ELMO1: variants seen among roughly 807,000 people sequenced by gnomAD.
ELMO1 encodes engulfment and cell motility 1.
In ELMO1, 26 loss-of-function variants were observed where a neutral mutation model predicts 98.9. That is an observed-to-expected ratio of 0.26 (90% CI 0.19 to 0.36). The LOEUF is 0.36. Ranked by LOEUF, ELMO1 falls within the 10% of genes least tolerant of loss-of-function variation. ELMO1 has a pLI of 1.00. For synonymous variants in ELMO1, 346 were observed against 346.0 expected (o/e 1.00, Z 0.00); for missense variants, 627 against 935.2 (o/e 0.67, Z 4.30).
intron 15 of ELMO1, among the ~76,000 whole-genome samples, chr7:37,016,167 T>TA (rs1793917558): frequency 6.6e-6 from 1 of 152,160 alleles, no homozygotes; most frequent in African/African-American, 2.4e-5. Flanking sequence ...CTAAAGTTTT[T>TA]ATGTGATGAG....
chr7:37,270,306 A>C (rs1047694180), intron 5 of ELMO1: 1 of 152,206 alleles, frequency 6.6e-6, no homozygotes, highest in Non-Finnish European at 1.5e-5. Flanking sequence ...CAACTGTAGC[A>C]ACTCACTCCA....
intron 14 of ELMO1, among the ~76,000 whole-genome samples, chr7:37,110,695 A>C (rs1385513698): frequency 6.6e-6 from 1 of 152,208 alleles, no homozygotes; most frequent in African/African-American, 2.4e-5. Context: ...ACCTAGATTT[A>C]TCATGGGAAA....
rs375635910 is a variant in ELMO1, at chr7:37,114,834, G to T, written c.1192-18107C>A. On this transcript the variant is annotated intron_variant, in intron 14 of 21. Coordinates refer to ENST00000310758, the MANE Select transcript of ELMO1 (RefSeq NM_014800.11). ...CAGTAAAATCAAAAGCTAGTTTTTT[G>T]AAAAGATCAATAAAAACAACAAATC... Among the ~76,000 whole-genome samples, 19 of 152,012 alleles carry T rather than the reference G, an allele frequency of 1.2e-4. 1 individual carries two copies. Among genetic ancestry groups the T allele is most frequent in the African/African-American group, 4.3e-4 (18 of 41,512 alleles).
intron 15 of ELMO1, among the ~76,000 whole-genome samples, chr7:37,084,253 T>C (rs1783638709): frequency 6.6e-6 from 1 of 152,220 alleles, no homozygotes; most frequent in East Asian, 1.9e-4. Flanking sequence ...ACAAGAATGT[T>C]GTTTGAGAGG....
intron 16 of ELMO1, among the ~76,000 whole-genome samples, chr7:36,899,270 G>C (rs1806296838): frequency 6.6e-6 from 1 of 152,208 alleles, no homozygotes; most frequent in African/African-American, 2.4e-5. Flanking sequence ...GTCTGTGAAG[G>C]AATTTGATAA....
intron 2 of ELMO1, among the ~76,000 whole-genome samples, chr7:37,318,093 A>C (rs556628533): frequency 9.8e-4 from 149 of 152,334 alleles, no homozygotes; most frequent in Non-Finnish European, 1.9e-3. Context: ...GACAATGGCA[A>C]TTGGGTTCTA....
At chr7:37,096,332 A>T (rs117662621) in intron 15 of ELMO1, among the ~76,000 whole-genome samples, 6,910 of 152,254 alleles carry the variant, frequency 0.045, 228 homozygotes, top group Non-Finnish European at 0.067. Flanking sequence ...TTTCCTGAAC[A>T]GAAGCAAGCC....
In ELMO1 at chr7:37,389,713, A is replaced by G. The variant is rs112330477; in HGVS notation, c.-73-46950T>C. 3.0e-3 allele frequency among the ~76,000 whole-genome samples: 460 copies of G among 152,254 alleles called. 2 individuals carry two copies. Among genetic ancestry groups the G allele is most frequent in the African/African-American group, 0.01 (434 of 41,536 alleles). On this transcript the variant is annotated intron_variant, in intron 1 of 21. Transcript: ENST00000310758. ...CCTGATATTCAGCTTTTGCTGGGAA[A>G]TCCAGTTCTCCTTTAACCATAGGAA...
chr7:37,045,364 C>T (rs966843882), intron 15 of ELMO1, among the ~76,000 whole-genome samples: 3 of 152,152 alleles, frequency 2.0e-5, no homozygotes, highest in Non-Finnish European at 2.9e-5. Context: ...TTGAACTGGA[C>T]TGAAAAACAA....
intron 17 of ELMO1, among the ~76,000 whole-genome samples, chr7:36,889,296 C>A (rs1320020371): frequency 1.3e-5 from 2 of 152,168 alleles, no homozygotes; most frequent in African/African-American, 4.8e-5. Context: ...CTGTACAGGT[C>A]TCTTAGGGTC....
At chr7:37,429,554 A>C (rs967512070) in intron 1 of ELMO1, 9 of 152,260 alleles carry the variant, frequency 5.9e-5, no homozygotes. Flanking sequence ...CATATTCTAC[A>C]TGCCAGGCAG....
At chr7:37,382,498 T>C (rs1354915708) in intron 1 of ELMO1, among the ~76,000 whole-genome samples, 4 of 152,308 alleles carry the variant, frequency 2.6e-5, no homozygotes, top group Middle Eastern at 3.4e-3. Flanking sequence ...GACATGCTCT[T>C]GGCCCTCTCA....
intron 2 of ELMO1, among the ~76,000 whole-genome samples, chr7:37,335,855 C>A (rs1800374229): frequency 1.3e-5 from 2 of 152,178 alleles, no homozygotes; most frequent in African/African-American, 2.4e-5. Flanking sequence ...ATGGCCCGTG[C>A]TGGCTTTTCT....
At chr7:37,115,045 C>A (rs926340552) in intron 14 of ELMO1, among the ~76,000 whole-genome samples, 1 of 152,058 alleles carries the variant, frequency 6.6e-6, no homozygotes, top group African/African-American at 2.4e-5. Flanking sequence ...CAAGAACCCA[C>A]ACAAGAAGAA....
rs566474436 is a variant in ELMO1 at position 36,908,052 on chromosome 7, C to G, written c.1438-13035G>C. On this transcript the variant is annotated intron_variant, in intron 16 of 21. Coordinates refer to ENST00000310758, the MANE Select transcript of ELMO1 (RefSeq NM_014800.11). The stretch of plus-strand genomic sequence containing the variant: ...GTTTTTCCGGGCCTGAACTTGTGTT[C>G]AGTTTTATGTCCTTGTGAAAATTAT... Among the ~76,000 whole-genome samples the G allele has an allele frequency of 3.7e-4, 57 of 152,306 alleles. 2 individuals carry two copies. In the South Asian group the frequency reaches 0.012, roughly 31 times the overall value.
chr7:37,367,556 T>C (rs572833627), intron 1 of ELMO1, among the ~76,000 whole-genome samples: 3 of 152,222 alleles, frequency 2.0e-5, no homozygotes, highest in African/African-American at 7.2e-5. Context: ...CAGTGAAAAA[T>C]AACAGGCTAC....
intron 1 of ELMO1, among the ~76,000 whole-genome samples, chr7:37,434,248 GGAT>G (rs1251331190): frequency 1.3e-5 from 2 of 152,082 alleles, no homozygotes; most frequent in Non-Finnish European, 2.9e-5. Flanking sequence ...CCACTTTGTA[GGAT>G]GATGCTTCTT....
rs145414469 is a variant in ELMO1, at chr7:36,935,099, G to A, written c.1438-40082C>T. On this transcript the variant is annotated intron_variant, in intron 16 of 21. Coordinates refer to ENST00000310758, the MANE Select transcript of ELMO1 (RefSeq NM_014800.11). Reference sequence around the variant, plus strand: ...GAATTGTAGCTCCCATAATTCCCTCGTGCTGTGGAAGGGACCCAGTGGGAG... The same window carrying A: ...GAATTGTAGCTCCCATAATTCCCTCATGCTGTGGAAGGGACCCAGTGGGAG... Among the ~76,000 whole-genome samples the A allele has an allele frequency of 6.6e-3, 1,002 of 152,220 alleles. 6 individuals carry two copies. Among genetic ancestry groups the A allele is most frequent in the Non-Finnish European group, 0.012 (794 of 68,016 alleles).
intron 16 of ELMO1, among the ~76,000 whole-genome samples, chr7:37,005,140 A>T (rs978863962): frequency 2.6e-5 from 4 of 151,428 alleles, no homozygotes. Context: ...AAAGAAAAAA[A>T]GAAAATTACA....
Sources: gnomAD v4.1 joint callset for allele counts (sites outside exome capture counted in the v4.1 genomes callset) on GRCh38, gnomAD v4.1.1 for gene constraint, MANE v1.5 for transcripts, NCBI Gene and HGNC (gene_info 2026-07-23, HGNC 2026-07-21) for gene names.